GABRB1: variants seen among roughly 807,000 people sequenced by gnomAD.
GABRB1 encodes gamma-aminobutyric acid receptor subunit beta-1.
In GABRB1, 17 loss-of-function variants were observed where a neutral mutation model predicts 51.6. That is an observed-to-expected ratio of 0.33 (90% CI 0.23 to 0.49). The LOEUF (loss-of-function observed/expected upper bound fraction) is 0.49. Among genes scored for constraint, GABRB1 ranks in the 20% least tolerant of loss-of-function variants. The probability of loss-of-function intolerance (pLI) is 0.99; values close to 1 mark genes in which losing one functional copy is unlikely to be tolerated. For missense variants in GABRB1, 410 were observed against 600.6 expected, an observed-to-expected ratio of 0.68 and a Z score of 3.32; for synonymous variants, 247 against 218.9, an observed-to-expected ratio of 1.13 and a Z score of -1.14.
chr4:47,404,084 G>A (rs903863566), intron 7 of GABRB1, among the ~76,000 whole-genome samples: 2 of 152,258 alleles, frequency 1.3e-5, no homozygotes, highest in Middle Eastern at 3.4e-3. Context: ...AAATGAATTT[G>A]GAGAAAGCTA....
chr4:47,327,331 G>GA (rs560797545), intron 5 of GABRB1, among the ~76,000 whole-genome samples: 1,122 of 74,076 alleles, frequency 0.015, 31 homozygotes, highest in Admixed American at 0.046. Context: ...TCGCTTAAAA[G>GA]AAAAAAAAAA....
intron 4 of GABRB1, among the ~76,000 whole-genome samples, chr4:47,289,916 T>C (rs1560316171): frequency 1.3e-5 from 2 of 152,210 alleles, no homozygotes; most frequent in Non-Finnish European, 2.9e-5. Context: ...GAGAATGTGA[T>C]TCAGGACACT....
At chr4:47,424,347 G>C (rs1272735528) in intron 8 of GABRB1, among the ~76,000 whole-genome samples, 1 of 152,154 alleles carries the variant, frequency 6.6e-6, no homozygotes, top group Non-Finnish European at 1.5e-5. Context: ...TATAAAATGG[G>C]GATGGGATGG....
At chr4:47,099,923 A>C (rs1015077135) in intron 3 of GABRB1, among the ~76,000 whole-genome samples, 9 of 151,994 alleles carry the variant, frequency 5.9e-5, no homozygotes, top group Admixed American at 2.6e-4. Context: ...ATTTAGTTGT[A>C]ATTTCGCCTA....
chr4:47,286,491 GC>G (rs1158504731), intron 4 of GABRB1, among the ~76,000 whole-genome samples: 1 of 151,970 alleles, frequency 6.6e-6, no homozygotes, highest in Non-Finnish European at 1.5e-5. Flanking sequence ...TTTATTTCCT[GC>G]CCTTCCTTGA....
chr4:47,289,782 T>G (rs1030970968), intron 4 of GABRB1, among the ~76,000 whole-genome samples: 5 of 152,226 alleles, frequency 3.3e-5, no homozygotes, highest in Admixed American at 1.3e-4. Context: ...CCTGAAAACC[T>G]AACTTCATTA....
chr4:47,150,410 T>C (rs1490332838), intron 3 of GABRB1, among the ~76,000 whole-genome samples: 1 of 149,776 alleles, frequency 6.7e-6, no homozygotes, highest in Non-Finnish European at 1.5e-5. Flanking sequence ...AAGAGATTCG[T>C]TGCAGAATTG....
At chr4:47,082,114 A>T (rs1480110300) in intron 3 of GABRB1, among the ~76,000 whole-genome samples, 1 of 151,990 alleles carries the variant, frequency 6.6e-6, no homozygotes, top group Non-Finnish European at 1.5e-5. Flanking sequence ...GGCTTCATTA[A>T]ACTTTTGTCA....
intron 3 of GABRB1, among the ~76,000 whole-genome samples, chr4:47,071,850 T>C (rs966570753): frequency 6.6e-6 from 1 of 152,092 alleles, no homozygotes; most frequent in African/African-American, 2.4e-5. Flanking sequence ...GAAAATATAA[T>C]ACATATGTAA....
At chr4:47,332,867 A>T (rs540573028) in intron 5 of GABRB1, among the ~76,000 whole-genome samples, 27 of 152,166 alleles carry the variant, frequency 1.8e-4, no homozygotes, top group African/African-American at 6.3e-4. Flanking sequence ...GGAAGAAATC[A>T]CTGAAATGAT....
chr4:47,071,574 T>C (rs1161084264), intron 3 of GABRB1, among the ~76,000 whole-genome samples: 1 of 152,104 alleles, frequency 6.6e-6, no homozygotes. Flanking sequence ...TTCATTACTT[T>C]ATTTTAATTT....
chr4:47,283,338 T>A (rs1488772231), intron 4 of GABRB1, among the ~76,000 whole-genome samples: 2 of 147,446 alleles, frequency 1.4e-5, no homozygotes, highest in African/African-American at 5.0e-5. Context: ...CTAGGCAATG[T>A]TCCATACCTG....
At chr4:47,163,647 A>G (rs926265695) in intron 4 of GABRB1, among the ~76,000 whole-genome samples, 1 of 152,008 alleles carries the variant, frequency 6.6e-6, no homozygotes, top group African/African-American at 2.4e-5. Context: ...ATCATACAAT[A>G]TAGTCATGTT....
chr4:47,380,112 G>A (rs997526234), intron 5 of GABRB1, among the ~76,000 whole-genome samples: 11 of 152,164 alleles, frequency 7.2e-5, no homozygotes, highest in South Asian at 2.1e-4. Context: ...GTTTTATTCC[G>A]GAGCAGAATT....
intron 1 of GABRB1, among the ~76,000 whole-genome samples, chr4:46,996,646 T>A (rs1281074975): frequency 6.6e-6 from 1 of 152,134 alleles, no homozygotes; most frequent in African/African-American, 2.4e-5. Context: ...AACAGGCGAA[T>A]GAATATTTGT....
chr4:47,094,440 G>A (rs2109593332), intron 3 of GABRB1, among the ~76,000 whole-genome samples: 1 of 151,896 alleles, frequency 6.6e-6, no homozygotes, highest in East Asian at 1.9e-4. Flanking sequence ...GGCCAGGATG[G>A]TTTTGATCTC....
intron 4 of GABRB1, among the ~76,000 whole-genome samples, chr4:47,223,298 C>A (rs1256429260): frequency 6.6e-6 from 1 of 151,892 alleles, no homozygotes; most frequent in Admixed American, 6.6e-5. Context: ...TAGTATTTTT[C>A]ATTTGTTATG....
chr4:47,411,976 G>C (rs976380867), intron 8 of GABRB1, among the ~76,000 whole-genome samples: 1 of 152,046 alleles, frequency 6.6e-6, no homozygotes, highest in African/African-American at 2.4e-5. Context: ...AGGTCATATT[G>C]GGCTTCTCTC....
At chr4:47,275,859 C>A (rs945588044) in intron 4 of GABRB1, among the ~76,000 whole-genome samples, 1 of 152,150 alleles carries the variant, frequency 6.6e-6, no homozygotes, top group African/African-American at 2.4e-5. Flanking sequence ...TTTAAACCAA[C>A]AGAACCAGTA....
Sources: allele counts gnomAD v4.1 joint callset (sites outside exome capture counted in the v4.1 genomes callset), GRCh38; gene constraint gnomAD v4.1.1; transcripts MANE v1.5; gene names NCBI Gene and HGNC (gene_info 2026-07-23, HGNC 2026-07-21).